SPIN1: variants seen among roughly 807,000 people sequenced by gnomAD.
SPIN1 encodes spindlin-1.
In SPIN1, 3 loss-of-function variants were observed where a neutral mutation model predicts 26.0. That is an observed-to-expected ratio of 0.12 (90% CI 0.05 to 0.30). The LOEUF is 0.30. SPIN1 is among the 10% of genes least tolerant of loss of function. SPIN1 has a pLI of 1.00. For synonymous variants in SPIN1, 101 were observed against 116.5 expected (o/e 0.87, Z 0.86); for missense variants, 126 against 333.4 (o/e 0.38, Z 4.84).
intron 1 of SPIN1, among the ~76,000 whole-genome samples, chr9:88,415,866 C>A (rs1165248609): frequency 1.3e-5 from 2 of 152,004 alleles, no homozygotes; most frequent in Non-Finnish European, 2.9e-5. Flanking sequence ...GCCTCAGCCT[C>A]CTGAGTACCT....
At chr9:88,474,818 A>G (rs1461658933) in intron 5 of SPIN1, among the ~76,000 whole-genome samples, 1 of 152,182 alleles carries the variant, frequency 6.6e-6, no homozygotes, top group Non-Finnish European at 1.5e-5. Flanking sequence ...TTATATACAT[A>G]TCATCAGTGG....
chr9:88,459,875 A>G (rs1392004858), intron 3 of SPIN1, among the ~76,000 whole-genome samples: 3 of 152,186 alleles, frequency 2.0e-5, no homozygotes, highest in Admixed American at 1.3e-4. Context: ...CTGATGAACA[A>G]ATCCTTGGCT....
intron 1 of SPIN1, among the ~76,000 whole-genome samples, chr9:88,421,865 G>T (rs570877255): frequency 9.2e-5 from 14 of 151,882 alleles, no homozygotes; most frequent in African/African-American, 3.1e-4. Flanking sequence ...AGCTTGACTA[G>T]ATTTTTTTTT....
chr9:88,445,160 A>C (rs1828220977), intron 2 of SPIN1, among the ~76,000 whole-genome samples: 1 of 152,110 alleles, frequency 6.6e-6, no homozygotes, highest in Non-Finnish European at 1.5e-5. Flanking sequence ...AGGGTTCTTG[A>C]CAAGGGTGCA....
At chr9:88,458,437 C>G (rs1828515717) in intron 3 of SPIN1, among the ~76,000 whole-genome samples, 1 of 152,112 alleles carries the variant, frequency 6.6e-6, no homozygotes, top group Admixed American at 6.6e-5. Flanking sequence ...TTGTATAATG[C>G]TCAAGAGGGA....
intron 1 of SPIN1, among the ~76,000 whole-genome samples, chr9:88,405,603 G>T (rs571285434): frequency 6.8e-6 from 1 of 146,046 alleles, no homozygotes; most frequent in Non-Finnish European, 1.5e-5. Flanking sequence ...GAGTGCAGTG[G>T]CGCGACCTCA....
rs573324130 is a variant in SPIN1 at position 88,396,418 on chromosome 9, A to G, written c.-159+7880A>G. Reference sequence around the variant, plus strand: ...GGAGTTTGAGGCCAGCCTGGCCAACATGGTGAAACCCCGTCTCTACTAAAA... The same window carrying G: ...GGAGTTTGAGGCCAGCCTGGCCAACGTGGTGAAACCCCGTCTCTACTAAAA... On this transcript the variant is annotated intron_variant, in intron 1 of 5. Coordinates refer to ENST00000375859, the MANE Select transcript of SPIN1 (RefSeq NM_006717.3). Among the ~76,000 whole-genome samples, 5 of 151,690 alleles carry G rather than the reference A, an allele frequency of 3.3e-5. No homozygotes were observed. In the East Asian group the frequency reaches 7.8e-4, roughly 24 times the overall value.
intron 2 of SPIN1, among the ~76,000 whole-genome samples, chr9:88,446,136 T>G (rs886134977): frequency 3.9e-5 from 6 of 152,228 alleles, no homozygotes; most frequent in East Asian, 3.9e-4. Context: ...CTGTCAGTTT[T>G]GCTTCATGTG....
chr9:88,448,263 C>G (rs960664453), intron 2 of SPIN1, among the ~76,000 whole-genome samples: 1 of 152,120 alleles, frequency 6.6e-6, no homozygotes, highest in Non-Finnish European at 1.5e-5. Context: ...GGGCTGGTCT[C>G]GAACTCCTGA....
intron 2 of SPIN1, among the ~76,000 whole-genome samples, chr9:88,438,012 G>A (rs1026758924): frequency 2.6e-5 from 4 of 152,108 alleles, no homozygotes; most frequent in Admixed American, 6.6e-5. Flanking sequence ...ATTAGCTGGC[G>A]TGGTGATGCG....
intron 3 of SPIN1, among the ~76,000 whole-genome samples, chr9:88,456,526 A>G (rs1828475782): frequency 6.6e-6 from 1 of 152,238 alleles, no homozygotes; most frequent in Non-Finnish European, 1.5e-5. Context: ...CAGAATTGGC[A>G]TTGGAACAGA....
intron 5 of SPIN1, 117 bp from the exon 6 acceptor site, chr9:88,474,961 G>T (rs1828860290): frequency 1.0e-6 from 1 of 971,376 alleles, no homozygotes; most frequent in Non-Finnish European, 1.5e-6. Flanking sequence ...ATGAATTCAG[G>T]CTATTAAAAT....
chr9:88,395,964 T>G (rs1202920059), intron 1 of SPIN1, among the ~76,000 whole-genome samples: 2 of 151,824 alleles, frequency 1.3e-5, no homozygotes, highest in African/African-American at 4.8e-5. Context: ...AGAGAATCAC[T>G]TGAACCTGGG....
chr9:88,450,572 AAAGCAT>A (rs1406728467), intron 3 of SPIN1, among the ~76,000 whole-genome samples: 1 of 152,174 alleles, frequency 6.6e-6, no homozygotes, highest in Non-Finnish European at 1.5e-5. Context: ...TTGATTCCCT[AAAGCAT>A]AAGAAACGAA....
intron 1 of SPIN1, 77 bp downstream of exon 1, chr9:88,388,615 C>CG (rs1284398754): frequency 6.8e-6 from 1 of 147,768 alleles, no homozygotes; most frequent in African/African-American, 2.4e-5. Flanking sequence ...GCGGTCTGCC[C>CG]GGGGGCGCAG....
chr9:88,412,189 A>G (rs977889308), intron 1 of SPIN1, among the ~76,000 whole-genome samples: 2 of 152,002 alleles, frequency 1.3e-5, no homozygotes, highest in Non-Finnish European at 2.9e-5. Context: ...AAAAAAAAAC[A>G]AAAACCTTTT....
chr9:88,460,268 C>T (rs1289627392), intron 3 of SPIN1, among the ~76,000 whole-genome samples: 1 of 152,160 alleles, frequency 6.6e-6, no homozygotes, highest in African/African-American at 2.4e-5. Flanking sequence ...TTTTCATCAT[C>T]CACTTTCCTC....
At chr9:88,395,190 GT>G (rs1827027970) in intron 1 of SPIN1, among the ~76,000 whole-genome samples, 1 of 152,046 alleles carries the variant, frequency 6.6e-6, no homozygotes, top group Non-Finnish European at 1.5e-5. Context: ...AAAAAGTTAT[GT>G]TCACAGCTTC....
chr9:88,446,333 TTATCAATG>T (rs2118120791), intron 2 of SPIN1, among the ~76,000 whole-genome samples: 1 of 152,204 alleles, frequency 6.6e-6, no homozygotes, highest in African/African-American at 2.4e-5. Context: ...TTTAGTTTAA[TTATCAATG>T]TGTTGCAAGT....
Sources: allele counts gnomAD v4.1 joint callset (sites outside exome capture counted in the v4.1 genomes callset), GRCh38; gene constraint gnomAD v4.1.1; transcripts MANE v1.5; gene names NCBI Gene and HGNC (gene_info 2026-07-23, HGNC 2026-07-21).